The following LXN variants were observed in gnomAD, a reference collection of about 807,000 sequenced individuals.
LXN encodes the protein latexin, also known as MUM.
A neutral mutation model predicts 29.8 loss-of-function variants in LXN; 28 were observed. That is an observed-to-expected ratio of 0.94 (90% CI 0.70 to 1.29). The LOEUF (loss-of-function observed/expected upper bound fraction) is 1.29. LXN is among the 50% of genes most tolerant of loss of function. The pLI is 0.00. For synonymous variants in LXN, 77 were observed against 89.6 expected, an observed-to-expected ratio of 0.86 and a Z score of 0.80; for missense variants, 227 against 261.7, an observed-to-expected ratio of 0.87 and a Z score of 0.92.
chr3:158,666,602 C>T lies in LXN; in HGVS notation c.*44G>A. ...GCTAGATGCCAGTGAAATTGGCATA[C>T]ACATCAATAGACATGTTTACACTTC... On this transcript the variant is annotated 3_prime_UTR_variant, in exon 6 of 6. Transcript: ENST00000264265. 1 of 1,529,260 alleles carries T rather than the reference C, an allele frequency of 6.5e-7. No homozygotes were observed. Among genetic ancestry groups the T allele is most frequent in the Non-Finnish European group, 9.0e-7 (1 of 1,105,162 alleles). 94.7% of individuals were successfully genotyped at this position (1,529,260 alleles called of 1,614,324 possible). A position where few individuals can be genotyped will look rare whatever the true frequency, so the allele number is the denominator to read the frequency against.
At chr3:158,667,164 A>AATAT (rs1723789017) in intron 4 of LXN, 90 bp from the exon 5 acceptor site, 2 of 1,293,540 alleles carry the variant, frequency 1.5e-6, no homozygotes, top group Admixed American at 6.6e-5. Flanking sequence ...TGATTAGATG[A>AATAT]ATATAATATT....
Position 158,672,615 on chromosome 3 carries a change from C to T in LXN, c.-137G>A. 2 of 1,009,558 alleles carry T rather than the reference C, an allele frequency of 2.0e-6. No individual in the cohort carries two copies. The highest frequency in any genetic ancestry group is 2.9e-6 in the Non-Finnish European group (2 of 695,704). The allele number at this position is 1,009,558 out of a possible 1,614,324, so 62.5% of individuals were successfully genotyped here. Reference sequence around the variant, plus strand: ...GCAAGCTCCTTCAGTCAGTCTTCTTCCTCAGCTCCTTCCGACTCCGGAAGC... The same window carrying T: ...GCAAGCTCCTTCAGTCAGTCTTCTTTCTCAGCTCCTTCCGACTCCGGAAGC... On this transcript the variant is annotated 5_prime_UTR_variant, in exon 1 of 6. Coordinates refer to ENST00000264265, the MANE Select transcript of LXN (RefSeq NM_020169.4).
intron 4 of LXN, among the ~76,000 whole-genome samples, chr3:158,668,069 T>C (rs1195887286): frequency 6.6e-6 from 1 of 152,186 alleles, no homozygotes; most frequent in Non-Finnish European, 1.5e-5. Flanking sequence ...CCATAAAAAG[T>C]GGCCCTGAGG....
rs1366792182 is a variant in LXN at position 158,669,328 on chromosome 3, T to A, written c.370+105A>T. The A allele has an allele frequency of 6.2e-6, 8 of 1,288,822 alleles. No homozygotes were observed. In the East Asian group the frequency reaches 1.7e-4, roughly 27 times the overall value. The allele number at this position is 1,288,822 out of a possible 1,614,324, so 79.8% of individuals were successfully genotyped here. ...AGAAATGAGTATTTTTGCAAAAGCC[T>A]GTAAGTTTCTAACATACTTAGCAAC... On this transcript the variant is annotated intron_variant, in intron 3 of 5. Transcript: ENST00000264265.
chr3:158,670,917 A>G lies in LXN; in HGVS notation c.192+40T>C, dbSNP rs141445217. 1,079 of 1,477,398 alleles carry G rather than the reference A, an allele frequency of 7.3e-4. 12 individuals carry two copies. In the African/African-American group the frequency reaches 0.013, roughly 18 times the overall value. The allele number at this position is 1,477,398 out of a possible 1,614,324, so 91.5% of individuals were successfully genotyped here. A position where few individuals can be genotyped will look rare whatever the true frequency, so the allele number is the denominator to read the frequency against. On this transcript the variant is annotated intron_variant, in intron 2 of 5. Transcript: ENST00000264265. Reference sequence around the variant, plus strand: ...CACTGCACTTCAGCCTGGGTGATAGAGTGAGACCCTGTCTCAAAGAAAAAA... The same window carrying G: ...CACTGCACTTCAGCCTGGGTGATAGGGTGAGACCCTGTCTCAAAGAAAAAA...
At chr3:158,668,407 C>T (rs181359456) in intron 4 of LXN, among the ~76,000 whole-genome samples, 11 of 152,072 alleles carry the variant, frequency 7.2e-5, no homozygotes, top group South Asian at 6.3e-4. Flanking sequence ...TTTTGATTCT[C>T]GGTTGTTTGT....
chr3:158,672,187 AG>A (rs1479828195), intron 1 of LXN, among the ~76,000 whole-genome samples, 162 bp downstream of exon 1: 4 of 152,182 alleles, frequency 2.6e-5, no homozygotes, highest in African/African-American at 9.7e-5. Flanking sequence ...ACATTCCCCC[AG>A]AAACCTTAAT....
At chr3:158,668,441 A>G (rs1723931113) in intron 4 of LXN, among the ~76,000 whole-genome samples, 2 of 152,122 alleles carry the variant, frequency 1.3e-5, no homozygotes, top group Non-Finnish European at 2.9e-5. Flanking sequence ...GAACCCATGG[A>G]GAGGCCTGAC....
intron 3 of LXN, 135 bp from the exon 4 acceptor site, chr3:158,669,267 A>G (rs1724031854): frequency 8.2e-7 from 1 of 1,218,684 alleles, no homozygotes; most frequent in African/African-American, 1.6e-5. Context: ...ATGGATCTAT[A>G]AAATTTCTGA....
intron 2 of LXN, among the ~76,000 whole-genome samples, chr3:158,670,052 T>C (rs1442985617): frequency 6.6e-6 from 1 of 152,238 alleles, no homozygotes; most frequent in Non-Finnish European, 1.5e-5. Flanking sequence ...TAGAAGATTA[T>C]GGCATTGGGT....
intron 2 of LXN, 51 bp downstream of exon 2, chr3:158,670,906 C>T: frequency 6.9e-7 from 1 of 1,438,994 alleles, no homozygotes; most frequent in Non-Finnish European, 9.2e-7. Context: ...GCACTTCAGC[C>T]TGGGTGATAG....
In LXN at chr3:158,667,000, A is replaced by G. The variant is rs1486789557; in HGVS notation, c.570+12T>C. On this transcript the variant is annotated intron_variant, in intron 5 of 5. Transcript: ENST00000264265. ...TCAGAATGGCATCAAATAAAGGTAA[A>G]TTATACTTTACCTGAGATGCTATAT... 2 of 1,593,974 alleles carry G rather than the reference A, an allele frequency of 1.3e-6. No homozygotes were observed. The highest frequency in any genetic ancestry group is 1.2e-5 in the South Asian group (1 of 86,300).
chr3:158,667,542 T>C (rs1272932814), intron 4 of LXN, among the ~76,000 whole-genome samples: 1 of 152,198 alleles, frequency 6.6e-6, no homozygotes, highest in African/African-American at 2.4e-5. Context: ...TCCGAGCACT[T>C]TGCGGGGCTG....
Position 158,666,508 on chromosome 3 carries a change from C to G in LXN, c.*138G>C. 1 of 1,113,234 alleles carries G rather than the reference C, an allele frequency of 9.0e-7. No individual in the cohort carries two copies. The highest frequency in any genetic ancestry group is 1.4e-6 in the Non-Finnish European group (1 of 735,718). 69.0% of individuals were successfully genotyped at this position (1,113,234 alleles called of 1,614,324 possible). On this transcript the variant is annotated 3_prime_UTR_variant, in exon 6 of 6. Transcript: ENST00000264265. ...GTAGTGATACTTTGTATTATGGACT[C>G]TATAAAGTTCTATACTGTAATCAAG...
chr3:158,672,290 G>C lies in LXN; in HGVS notation c.129+60C>G, dbSNP rs1347696381. On this transcript the variant is annotated intron_variant, in intron 1 of 5. Transcript: ENST00000264265. ...CTGCACCCAAAGGCTGAGACCGCGG[G>C]TGAGTGGAGGGAGCGCAATCCTGAA... The C allele has an allele frequency of 1.9e-6, 3 of 1,598,192 alleles. No homozygotes were observed. The Admixed American group carries it at 5.1e-5, about 27-fold the overall frequency.
At chr3:158,671,696 C>G (rs1724330845) in intron 1 of LXN, among the ~76,000 whole-genome samples, 1 of 152,166 alleles carries the variant, frequency 6.6e-6, no homozygotes. Context: ...AATCTCAAAT[C>G]CAGTAGATTT....
chr3:158,671,036 G>T lies in LXN; in HGVS notation c.130-17C>A, dbSNP rs766856390. On this transcript the variant is annotated splice_polypyrimidine_tract_variant and intron_variant, in intron 1 of 5. Coordinates refer to ENST00000264265, the MANE Select transcript of LXN (RefSeq NM_020169.4). ...TGGAATATCCTAAAATTAAGAAAAT[G>T]TAGTGGAGACAAGAAAATATTATAA... 1 of 1,508,678 alleles carries T rather than the reference G, an allele frequency of 6.6e-7. No homozygotes were observed. The highest frequency in any genetic ancestry group is 2.5e-5 in the East Asian group (1 of 40,456). 93.5% of individuals were successfully genotyped at this position (1,508,678 alleles called of 1,614,324 possible). A position where few individuals can be genotyped will look rare whatever the true frequency, so the allele number is the denominator to read the frequency against.
At chr3:158,669,327 C>G (rs1724035767) in intron 3 of LXN, 106 bp downstream of exon 3, 2 of 1,277,130 alleles carry the variant, frequency 1.6e-6, no homozygotes, top group Non-Finnish European at 2.1e-6. Context: ...TTGCAAAAGC[C>G]TGTAAGTTTC....
chr3:158,667,080 A>C lies in LXN; in HGVS notation c.508-6T>G. The C allele has an allele frequency of 6.3e-7, 1 of 1,576,178 alleles. No homozygotes were observed. The highest frequency in any genetic ancestry group is 8.6e-7 in the Non-Finnish European group (1 of 1,166,968). ...ATAAAGTCATCATTTCTTTGCTATG[A>C]CAAAAAATAAAAACGTGTTGTTTAA... On this transcript the variant is annotated splice_region_variant and splice_polypyrimidine_tract_variant and intron_variant, in intron 4 of 5. Transcript: ENST00000264265.
Sources: allele counts gnomAD v4.1 joint callset (sites outside exome capture counted in the v4.1 genomes callset), GRCh38; gene constraint gnomAD v4.1.1; transcripts MANE v1.5; gene names NCBI Gene and HGNC (gene_info 2026-07-23, HGNC 2026-07-21).